The following ENTREP2 variants were observed in gnomAD, a reference collection of about 807,000 sequenced individuals.
ENTREP2 encodes protein ENTREP2.
the ENTREP2 span, chr15:29,137,336 C>G: frequency 1.3e-6 from 1 of 789,712 alleles, no homozygotes; most frequent in Non-Finnish European, 1.9e-6. Flanking sequence ...TAAGCACACA[C>G]TTTAAAATGA....
the ENTREP2 span, among the ~76,000 whole-genome samples, chr15:29,308,815 C>A: frequency 6.6e-6 from 1 of 152,188 alleles, no homozygotes; most frequent in African/African-American, 2.4e-5. Context: ...CTAATCACCC[C>A]TTTTCTTCCT....
At chr15:29,520,384 C>T in the ENTREP2 span, among the ~76,000 whole-genome samples, 5 of 152,086 alleles carry the variant, frequency 3.3e-5, no homozygotes, top group African/African-American at 1.2e-4. Context: ...GATCAAATAG[C>T]AAACTGACTG....
At chr15:29,613,123 C>T in the ENTREP2 span, among the ~76,000 whole-genome samples, 1 of 152,196 alleles carries the variant, frequency 6.6e-6, no homozygotes, top group Non-Finnish European at 1.5e-5. Flanking sequence ...ACTCCCTGAA[C>T]CTTTTCTAAC....
the ENTREP2 span, among the ~76,000 whole-genome samples, chr15:29,626,171 G>T: frequency 4.6e-5 from 7 of 152,252 alleles, no homozygotes; most frequent in Non-Finnish European, 1.0e-4. Flanking sequence ...TTTCTGTGTT[G>T]ATCTTGTATC....
At chr15:29,344,431 A>G in the ENTREP2 span, among the ~76,000 whole-genome samples, 1 of 151,784 alleles carries the variant, frequency 6.6e-6, no homozygotes, top group Non-Finnish European at 1.5e-5. Flanking sequence ...GCTAGATTGA[A>G]GAAAAGTATT....
chr15:29,215,737 C>A, the ENTREP2 span, among the ~76,000 whole-genome samples: 1 of 152,078 alleles, frequency 6.6e-6, no homozygotes, highest in African/African-American at 2.4e-5. Context: ...CTTTTGGTGT[C>A]AATTTGCGTG....
At chr15:29,201,740 T>G in the ENTREP2 span, among the ~76,000 whole-genome samples, 275 of 152,308 alleles carry the variant, frequency 1.8e-3, no homozygotes, top group Middle Eastern at 3.4e-3. Flanking sequence ...TGTAATTTTA[T>G]TTTTCTATAC....
the ENTREP2 span, among the ~76,000 whole-genome samples, chr15:29,246,130 G>A: frequency 6.6e-6 from 1 of 152,168 alleles, no homozygotes; most frequent in Admixed American, 6.5e-5. Flanking sequence ...AGTGGCTTAC[G>A]CCTGTAAACC....
the ENTREP2 span, among the ~76,000 whole-genome samples, chr15:29,447,837 T>G: frequency 6.6e-6 from 1 of 151,686 alleles, no homozygotes; most frequent in Non-Finnish European, 1.5e-5. Context: ...CCAAGGCAGG[T>G]GGATTACCTG....
At chr15:29,283,056 G>T in the ENTREP2 span, among the ~76,000 whole-genome samples, 1 of 152,108 alleles carries the variant, frequency 6.6e-6, no homozygotes, top group South Asian at 2.1e-4. Context: ...AAGAATCTCT[G>T]GACCAAAGGT....
At chr15:29,132,733 C>T in the ENTREP2 span, among the ~76,000 whole-genome samples, 3 of 152,206 alleles carry the variant, frequency 2.0e-5, no homozygotes, top group African/African-American at 7.2e-5. Flanking sequence ...TTCCGGGGGC[C>T]GCTGTGAGGT....
chr15:29,306,594 C>T, the ENTREP2 span, among the ~76,000 whole-genome samples: 1 of 144,688 alleles, frequency 6.9e-6, no homozygotes, highest in Non-Finnish European at 1.5e-5. Context: ...GGTTTTTACA[C>T]TTGTTTCATA....
chr15:29,594,103 TA>T, the ENTREP2 span, among the ~76,000 whole-genome samples: 1 of 151,596 alleles, frequency 6.6e-6, no homozygotes, highest in Non-Finnish European at 1.5e-5. Context: ...CAAAAAGGTT[TA>T]AAAAAAAAGG....
At chr15:29,606,283 G>A in the ENTREP2 span, among the ~76,000 whole-genome samples, 16 of 149,936 alleles carry the variant, frequency 1.1e-4, no homozygotes, top group Middle Eastern at 3.2e-3. Context: ...CACCCAGACT[G>A]GAGTGCAGTG....
chr15:29,496,839 G>A, the ENTREP2 span, among the ~76,000 whole-genome samples: 2 of 152,124 alleles, frequency 1.3e-5, no homozygotes, highest in African/African-American at 2.4e-5. Context: ...ATATTCATCA[G>A]GGATATTGGC....
At chr15:29,517,497 C>T in the ENTREP2 span, among the ~76,000 whole-genome samples, 13 of 152,148 alleles carry the variant, frequency 8.5e-5, no homozygotes, top group East Asian at 1.2e-3. Context: ...ATGTCCTCTG[C>T]GCTTCTACAC....
the ENTREP2 span, among the ~76,000 whole-genome samples, chr15:29,406,867 C>G: frequency 6.6e-6 from 1 of 152,122 alleles, no homozygotes; most frequent in Non-Finnish European, 1.5e-5. Flanking sequence ...TAGCAACAAC[C>G]CACCTTTTGA....
At chr15:29,549,182 G>A in the ENTREP2 span, among the ~76,000 whole-genome samples, 1 of 152,064 alleles carries the variant, frequency 6.6e-6, no homozygotes, top group Admixed American at 6.5e-5. Context: ...CAGCCCTGGA[G>A]TTCTCTGAAC....
chr15:29,271,247 AT>A, the ENTREP2 span, among the ~76,000 whole-genome samples: 1 of 152,186 alleles, frequency 6.6e-6, no homozygotes, highest in Non-Finnish European at 1.5e-5. Context: ...CAAGGCATTC[AT>A]TTTTTTACAA....
Sources: allele counts gnomAD v4.1 joint callset (sites outside exome capture counted in the v4.1 genomes callset), GRCh38; gene constraint gnomAD v4.1.1; transcripts MANE v1.5; gene names NCBI Gene and HGNC (gene_info 2026-07-23, HGNC 2026-07-21).